Variants in SRPK2 observed in about 807,000 individuals in gnomAD.
SRPK2 encodes the protein SFRS protein kinase 2.
In SRPK2, 21 loss-of-function variants were observed where a neutral mutation model predicts 90.8. The ratio of observed to expected loss-of-function variants is 0.23; its 90% CI spans 0.16 to 0.33. SRPK2 has a LOEUF of 0.33. Ranked by LOEUF, SRPK2 falls within the 10% of genes least tolerant of loss-of-function variation. SRPK2 has a pLI of 1.00. For missense variants in SRPK2, 620 were observed against 869.0 expected (o/e 0.71, Z 3.60); for synonymous variants, 288 against 311.1 (o/e 0.93, Z 0.78).
At chr7:105,346,079 G>A (rs1816420257) in intron 2 of SRPK2, among the ~76,000 whole-genome samples, 1 of 152,228 alleles carries the variant, frequency 6.6e-6, no homozygotes, top group Non-Finnish European at 1.5e-5. Context: ...TTTTAGGGAA[G>A]TACCAGGTGA....
At chr7:105,149,218 A>T (rs1021084660) in intron 7 of SRPK2, among the ~76,000 whole-genome samples, 2 of 152,218 alleles carry the variant, frequency 1.3e-5, no homozygotes, top group African/African-American at 4.8e-5. Flanking sequence ...CATTTGTTCA[A>T]TTCTCAGATG....
chr7:105,196,009 T>G (rs1206161725), intron 3 of SRPK2, among the ~76,000 whole-genome samples: 1 of 152,216 alleles, frequency 6.6e-6, no homozygotes, highest in Non-Finnish European at 1.5e-5. Context: ...GTACAACGTT[T>G]TGCACATCAT....
intron 3 of SRPK2, among the ~76,000 whole-genome samples, chr7:105,193,373 T>C (rs979968990): frequency 1.1e-4 from 17 of 152,350 alleles, no homozygotes; most frequent in African/African-American, 4.1e-4. Flanking sequence ...CAGTTCTCTA[T>C]TCTGTTCCAC....
At chr7:105,128,559 A>C (rs538876571) in intron 13 of SRPK2, among the ~76,000 whole-genome samples, 31 of 152,222 alleles carry the variant, frequency 2.0e-4, no homozygotes, top group Non-Finnish European at 4.4e-4. Context: ...CAATCAATTC[A>C]GTATCTTACA....
intron 2 of SRPK2, among the ~76,000 whole-genome samples, chr7:105,359,972 G>C (rs531408391): frequency 6.6e-6 from 1 of 152,146 alleles, no homozygotes; most frequent in Non-Finnish European, 1.5e-5. Context: ...AATATTGACA[G>C]TGGGGTGTTA....
intron 2 of SRPK2, among the ~76,000 whole-genome samples, chr7:105,386,762 G>A (rs1821664646): frequency 1.3e-5 from 2 of 152,204 alleles, no homozygotes; most frequent in South Asian, 4.1e-4. Flanking sequence ...AAAGAGTTAA[G>A]TGAAAAATGG....
chr7:105,249,683 A>C (rs531084006), intron 2 of SRPK2, among the ~76,000 whole-genome samples: 24 of 152,196 alleles, frequency 1.6e-4, no homozygotes, highest in Non-Finnish European at 2.2e-4. Context: ...CCAGACTTCC[A>C]TGTTCTTTTC....
At chr7:105,330,271 A>G (rs1270063912) in intron 2 of SRPK2, among the ~76,000 whole-genome samples, 1 of 152,126 alleles carries the variant, frequency 6.6e-6, no homozygotes, top group Admixed American at 6.6e-5. Flanking sequence ...CAGGAGGTGG[A>G]GCTTGCAGTG....
intron 2 of SRPK2, among the ~76,000 whole-genome samples, chr7:105,388,191 A>G (rs1429943751): frequency 1.3e-5 from 2 of 151,656 alleles, no homozygotes; most frequent in Non-Finnish European, 2.9e-5. Context: ...CCTCCCGCAC[A>G]CTCGGCCCCT....
chr7:105,181,830 AC>A (rs1378342684), intron 3 of SRPK2, among the ~76,000 whole-genome samples: 4 of 150,224 alleles, frequency 2.7e-5, no homozygotes, highest in Admixed American at 6.8e-5. Context: ...CACACAGTTT[AC>A]CTACATAACA....
intron 2 of SRPK2, among the ~76,000 whole-genome samples, chr7:105,276,706 C>T (rs754065573): frequency 7.2e-4 from 109 of 152,098 alleles, no homozygotes; most frequent in Admixed American, 2.9e-3. Flanking sequence ...CCACTGCACT[C>T]CACTCTGGGC....
chr7:105,259,270 A>G (rs1201908805), intron 2 of SRPK2, among the ~76,000 whole-genome samples: 1 of 152,182 alleles, frequency 6.6e-6, no homozygotes, highest in Non-Finnish European at 1.5e-5. Flanking sequence ...TCATGAGTGA[A>G]CTCCCATTCA....
Position 105,170,869 on chromosome 7 carries a change from AAG to A in SRPK2, c.230-1606_230-1605del, listed in dbSNP as rs1395766679. ...AAAGAAAGAAAGAAAGAAAGAAAGA[AAG>A]AAAGAAAGAAAGAAAGAAAGAAAGA... On this transcript the variant is annotated intron_variant, in intron 3 of 15. Transcript: ENST00000393651. 8.6e-4 allele frequency among the ~76,000 whole-genome samples: 101 copies of A among 117,776 alleles called. 6 individuals carry two copies. Among genetic ancestry groups the A allele is most frequent in the African/African-American group, 3.0e-3 (94 of 31,792 alleles). 77.3% of individuals were successfully genotyped at this position (117,776 alleles called of 152,430 possible). A position where few individuals can be genotyped will look rare whatever the true frequency, so the allele number is the denominator to read the frequency against.
intron 15 of SRPK2, among the ~76,000 whole-genome samples, chr7:105,122,563 G>A (rs538886746): frequency 1.3e-5 from 2 of 152,236 alleles, no homozygotes; most frequent in Non-Finnish European, 2.9e-5. Context: ...TGCTTTTTAG[G>A]TATTCAGGAG....
At position 105,281,117 on chromosome 7, in the gene SRPK2, A is replaced by G. The variant is rs942670276; in HGVS notation, c.72-77332T>C. On this transcript the variant is annotated intron_variant, in intron 2 of 15. Transcript: ENST00000393651. ...TGGTTTTTCCCCCGCTTTTTCTGAG[A>G]CAGGAGTCTCTCTAGGTCGCCCAGG... Among the ~76,000 whole-genome samples, 22 of 150,272 alleles carry G rather than the reference A, an allele frequency of 1.5e-4. 1 individual carries two copies. Among genetic ancestry groups the G allele is most frequent in the South Asian group, 1.3e-3 (6 of 4,764 alleles).
intron 2 of SRPK2, among the ~76,000 whole-genome samples, chr7:105,253,429 T>C (rs1048312752): frequency 1.3e-5 from 2 of 152,214 alleles, no homozygotes; most frequent in African/African-American, 4.8e-5. Context: ...AACCTTTCAA[T>C]GGCTCTTGGT....
chr7:105,158,413 C>G (rs201857570), intron 7 of SRPK2, among the ~76,000 whole-genome samples: 1 of 152,164 alleles, frequency 6.6e-6, no homozygotes, highest in East Asian at 1.9e-4. Flanking sequence ...TGCCACCACG[C>G]CTGGCTAATT....
At chr7:105,321,634 G>T (rs758769264) in intron 2 of SRPK2, among the ~76,000 whole-genome samples, 3 of 151,922 alleles carry the variant, frequency 2.0e-5, no homozygotes, top group African/African-American at 4.8e-5. Context: ...TAAAATGAGC[G>T]AAAGATTTTA....
intron 2 of SRPK2, among the ~76,000 whole-genome samples, chr7:105,232,206 T>A (rs1799509580): frequency 6.6e-6 from 1 of 152,050 alleles, no homozygotes; most frequent in Non-Finnish European, 1.5e-5. Flanking sequence ...GTGGCTCACG[T>A]CTGTAAGCCC....
Sources: gnomAD v4.1 joint callset for allele counts (sites outside exome capture counted in the v4.1 genomes callset) on GRCh38, gnomAD v4.1.1 for gene constraint, MANE v1.5 for transcripts, NCBI Gene and HGNC (gene_info 2026-07-23, HGNC 2026-07-21) for gene names.